The following KRT16 variants were observed in gnomAD, a reference collection of about 807,000 sequenced individuals.
KRT16 encodes keratin 16, also known as keratin, type I cytoskeletal 16.
A neutral mutation model predicts 44.8 loss-of-function variants in KRT16; 42 were observed. The observed-to-expected ratio is 0.94, with a 90% CI of 0.73 to 1.21. The LOEUF (loss-of-function observed/expected upper bound fraction) is 1.21. Ranked by LOEUF, KRT16 falls within the 50% of genes most tolerant of loss-of-function variation. The probability of loss-of-function intolerance (pLI) is 0.00; values close to 1 mark genes in which losing one functional copy is unlikely to be tolerated. For missense variants in KRT16, 561 were observed against 626.9 expected, an observed-to-expected ratio of 0.89 and a Z score of 1.12; for synonymous variants, 226 against 260.4, an observed-to-expected ratio of 0.87 and a Z score of 1.27.
rs1241317983 is a variant in KRT16 at position 41,611,730 on chromosome 17, G to A, written c.532-9C>T. On this transcript the variant is annotated splice_polypyrimidine_tract_variant and intron_variant, in intron 1 of 7. Transcript: ENST00000301653. The stretch of plus-strand genomic sequence containing the variant: ...ATGGTGGCCGCAATGATCTGGAGTG[G>A]GGATGGAGGACAGGAGCCCTGGTCA... 12 of 1,607,902 alleles carry A rather than the reference G, an allele frequency of 7.5e-6. No individual in the cohort carries two copies. The highest frequency in any genetic ancestry group is 1.0e-5 in the Non-Finnish European group (12 of 1,177,760).
chr17:41,609,899 TG>T lies in KRT16; in HGVS notation c.*35del. On this transcript the variant is annotated 3_prime_UTR_variant, in exon 8 of 8. Coordinates refer to ENST00000301653, the MANE Select transcript of KRT16 (RefSeq NM_005557.4). ...CGGGCCTTCAGGAGGTGAGGCCAGC[TG>T]GTGGGCAGGAGGCTGTGGTAGAGGC... 6.3e-7 allele frequency: 1 copy of T among 1,595,332 alleles called. No individual in the cohort carries two copies.
In KRT16 at chr17:41,612,289, T is replaced by C. The variant is rs1908228005; in HGVS notation, c.400A>G (p.Lys134Glu). The C allele has an allele frequency of 6.2e-7, 1 of 1,614,046 alleles. No individual in the cohort carries two copies. Among genetic ancestry groups the C allele is most frequent in the East Asian group, 2.2e-5 (1 of 44,876 alleles). The stretch of plus-strand genomic sequence containing the variant: ...TTGGCCTCCTCCAGAGCACGCACCT[T>C]GTCCAGGTAGGAGGCCAGGCGGTCA... ...LNDRLASYLDKVRALEEANAD... is the reference protein window; with the variant it reads ...LNDRLASYLDEVRALEEANAD... The change falls in exon 1 of 8, where the codon AAG becomes GAG. Residue 134 changes from lysine (K) to glutamate (E), a missense_variant. Transcript: ENST00000301653.
intron 5 of KRT16, 31 bp downstream of exon 5, chr17:41,610,822 TG>T (rs1567744639): frequency 6.2e-7 from 1 of 1,613,014 alleles, no homozygotes; most frequent in South Asian, 1.1e-5. Context: ...ACTGGTGACT[TG>T]GGGGCTGCTG....
In KRT16 at chr17:41,611,444, G is replaced by T. The variant is rs1435277262; in HGVS notation, c.672C>A (p.Arg224=). The T allele has an allele frequency of 3.1e-6, 5 of 1,614,070 alleles. No homozygotes were observed. ...CCAGGGTCAGCTCATCCAACACCCG[G>T]CGCAGGCCATTGACGTCGGCCTCCA... ...QTVEADVNGL[R]RVLDELTLAR... is the part of the protein sequence containing the mutation. The change falls in exon 3 of 8, where the codon CGC becomes CGA. Residue 224 remains arginine, a synonymous_variant. Coordinates refer to ENST00000301653, the MANE Select transcript of KRT16 (RefSeq NM_005557.4).
Position 41,611,508 on chromosome 17 carries a change from G to A in KRT16, c.615-7C>T. The A allele has an allele frequency of 6.2e-7, 1 of 1,613,338 alleles. No homozygotes were observed. Among genetic ancestry groups the A allele is most frequent in the East Asian group, 2.2e-5 (1 of 44,858 alleles). ...GGCCAGTTCATGCTCATACCTGGCA[G>A]GACAGAGGTCAGGTCCTCAGGCTGC... is the stretch of plus-strand genomic sequence containing the variant. On this transcript the variant is annotated splice_polypyrimidine_tract_variant and splice_region_variant and intron_variant, in intron 2 of 7. Transcript: ENST00000301653.
rs762772172 is a variant in KRT16 at position 41,612,517 on chromosome 17, A to C, written c.172T>G (p.Ser58Ala). 1.2e-6 allele frequency: 2 copies of C among 1,601,334 alleles called. No homozygotes were observed. Among genetic ancestry groups the C allele is most frequent in the Admixed American group, 3.5e-5 (2 of 57,530 alleles). Residue 58 changes from serine to alanine, a missense_variant, in exon 1 of 8, where the codon TCT becomes GCT. Transcript: ENST00000301653. ...CCCCCCAGCCCGCAGGCTCCCCCAGAGGAGAAGCGAGAGGAGACAGACAGG... is the reference window on the plus strand; with the variant it reads ...CCCCCCAGCCCGCAGGCTCCCCCAGCGGAGAAGCGAGAGGAGACAGACAGG... ...GGLSVSSRFS[S>A]GGACGLGGGY...
At position 41,610,509 on chromosome 17, in the gene KRT16, A is replaced by C. The variant is rs1908152406; in HGVS notation, c.1102T>G (p.Tyr368Asp). The C allele has an allele frequency of 6.2e-7, 1 of 1,611,990 alleles. No individual in the cohort carries two copies. The highest frequency in any genetic ancestry group is 1.7e-5 in the Admixed American group (1 of 60,006). The change falls in exon 6 of 8, where the codon TAC becomes GAC. Residue 368 changes from tyrosine to aspartate, a missense_variant. Coordinates refer to ENST00000301653, the MANE Select transcript of KRT16 (RefSeq NM_005557.4). Reference protein sequence around the residue: ...ENSLEETKGRYCMQLSQIQGL... With the variant: ...ENSLEETKGRDCMQLSQIQGL... The stretch of plus-strand genomic sequence containing the variant: ...TGGATCTGGGACAGCTGCATGCAGT[A>C]GCGGCCTTTGGTCTCCTCCAGGCTG...
chr17:41,611,513 G>A lies in KRT16; in HGVS notation c.615-12C>T. 7 of 1,613,266 alleles carry A rather than the reference G, an allele frequency of 4.3e-6. No homozygotes were observed. Among genetic ancestry groups the A allele is most frequent in the Non-Finnish European group, 5.9e-6 (7 of 1,179,954 alleles). On this transcript the variant is annotated splice_polypyrimidine_tract_variant and intron_variant, in intron 2 of 7. Transcript: ENST00000301653. ...GTTCATGCTCATACCTGGCAGGACAGAGGTCAGGTCCTCAGGCTGCAGCCC... is the reference window on the plus strand; with the variant it reads ...GTTCATGCTCATACCTGGCAGGACAAAGGTCAGGTCCTCAGGCTGCAGCCC...
Position 41,610,421 on chromosome 17 carries a change from C to T in KRT16, c.1190G>A (p.Ser397Asn). ...AQLRCEMEQQ[S>N]QEYQILLDVK... ...ATCCAGCAAGATCTGGTACTCCTGGCTCTGCTGCTCCATCTCACAGCGTAG... is the reference window on the plus strand; with the variant it reads ...ATCCAGCAAGATCTGGTACTCCTGGTTCTGCTGCTCCATCTCACAGCGTAG... Residue 397 changes from serine (S) to asparagine (N), a missense_variant, in exon 6 of 8, where the codon AGC (serine) becomes AAC (asparagine). Coordinates refer to ENST00000301653, the MANE Select transcript of KRT16 (RefSeq NM_005557.4). 1 of 1,612,300 alleles carries T rather than the reference C, an allele frequency of 6.2e-7. No individual in the cohort carries two copies. The highest frequency in any genetic ancestry group is 8.5e-7 in the Non-Finnish European group (1 of 1,179,876).
intron 1 of KRT16, 193 bp downstream of exon 1, chr17:41,611,965 A>G: frequency 1.2e-6 from 1 of 826,540 alleles, no homozygotes; most frequent in South Asian, 1.5e-5. Flanking sequence ...TAAGAGATTT[A>G]GGGTAACAGC....
In KRT16 at chr17:41,609,918, G is replaced by T. The variant is rs1908125499; in HGVS notation, c.*17C>A. On this transcript the variant is annotated 3_prime_UTR_variant, in exon 8 of 8. Coordinates refer to ENST00000301653, the MANE Select transcript of KRT16 (RefSeq NM_005557.4). Reference sequence around the variant, plus strand: ...GCCAGCTGGTGGGCAGGAGGCTGTGGTAGAGGCAGCTCAGTTCTAGGAGCT... The same window carrying T: ...GCCAGCTGGTGGGCAGGAGGCTGTGTTAGAGGCAGCTCAGTTCTAGGAGCT... 2.5e-6 allele frequency: 4 copies of T among 1,609,676 alleles called. No individual in the cohort carries two copies. Among genetic ancestry groups the T allele is most frequent in the South Asian group, 1.1e-5 (1 of 90,730 alleles).
rs756227425 is a variant in KRT16, at chr17:41,610,859, T to A, written c.1054A>T (p.Ser352Cys). 3.1e-6 allele frequency: 5 copies of A among 1,614,010 alleles called. No individual in the cohort carries two copies. The highest frequency in any genetic ancestry group is 4.2e-6 in the Non-Finnish European group (5 of 1,180,044). Residue 352 changes from serine to cysteine, a missense_variant, in exon 5 of 8, where the codon AGC becomes TGC. Physicochemically the swap from Ser to Cys is moderately radical, Grantham distance 112. Transcript: ENST00000301653. ...GLEIELQSQLSMKASLENSLE... is the reference protein window; with the variant it reads ...GLEIELQSQLCMKASLENSLE... ...CTGTGCTGGGTCCTTCATACCATGC[T>A]GAGCTGGGACTGCAGCTCAATCTCC...
At chr17:41,610,269 T>A (rs1323166476) in intron 6 of KRT16, 33 bp from the exon 7 acceptor site, 4 of 1,613,644 alleles carry the variant, frequency 2.5e-6, no homozygotes, top group Non-Finnish European at 3.4e-6. Flanking sequence ...CAGTCAGTTG[T>A]GCTGAGAGCA....
Position 41,612,280 on chromosome 17 carries a change from C to A in KRT16, c.409G>T (p.Ala137Ser), listed in dbSNP as rs1456131254. Residue 137 changes from alanine to serine, a missense_variant, in exon 1 of 8, where the codon GCT becomes TCT. Physicochemically the swap from Ala to Ser is moderately conservative, Grantham distance 99. Transcript: ENST00000301653. ...AGGTCGGCGTTGGCCTCCTCCAGAG[C>A]ACGCACCTTGTCCAGGTAGGAGGCC... ...RLASYLDKVR[A>S]LEEANADLEV... is the part of the protein sequence containing the mutation. 6.2e-7 allele frequency: 1 copy of A among 1,614,092 alleles called. No individual in the cohort carries two copies.
rs755038313 is a variant in KRT16, at chr17:41,612,544, C to T, written c.145G>A (p.Gly49Ser). ...SCRAPSTYGGGLSVSSRFSSG... is the reference protein window; with the variant it reads ...SCRAPSTYGGSLSVSSRFSSG... ...GAGAAGCGAGAGGAGACAGACAGGC[C>T]GCCCCCGTAGGTGCTGGGGGCACGG... The change falls in exon 1 of 8, where the codon GGC (glycine) becomes AGC (serine). Residue 49 changes from glycine (G) to serine (S), a missense_variant. Transcript: ENST00000301653. The T allele has an allele frequency of 2.4e-5, 38 of 1,594,772 alleles. No homozygotes were observed. The highest frequency in any genetic ancestry group is 2.2e-4 in the Middle Eastern group (1 of 4,620).
chr17:41,611,152 G>C lies in KRT16; in HGVS notation c.850C>G (p.Arg284Gly). 6.2e-7 allele frequency: 1 copy of C among 1,613,970 alleles called. No individual in the cohort carries two copies. The highest frequency in any genetic ancestry group is 8.5e-7 in the Non-Finnish European group (1 of 1,179,868). Residue 284 changes from arginine to glycine, a missense_variant, in exon 4 of 8, where the codon CGC becomes GGC. Transcript: ENST00000301653. ...MDAAPGVDLSRILNEMRDQYE... is the reference protein window; with the variant it reads ...MDAAPGVDLSGILNEMRDQYE... ...TGGTCACGCATCTCATTCAGGATGC[G>C]GCTCAGGTCCACGCCAGGTGCAGCA...
rs267604878 is a variant in KRT16 at position 41,612,438 on chromosome 17, C to T, written c.251G>A (p.Gly84Glu). The T allele has an allele frequency of 5.0e-6, 8 of 1,613,840 alleles. No individual in the cohort carries two copies. Among genetic ancestry groups the T allele is most frequent in the Non-Finnish European group, 6.8e-6 (8 of 1,179,886 alleles). Residue 84 changes from glycine (G) to glutamate (E), a missense_variant, in exon 1 of 8, where the codon GGA becomes GAA. Transcript: ENST00000301653. ...AGCACCAAGGCCACCACCATATCCT[C>T]CCCCGAAGCCACTACCAAAGCTGCT... is the stretch of plus-strand genomic sequence containing the variant. ...SSSSFGSGFG[G>E]GYGGGLGAGF... is the part of the protein sequence containing the mutation.
In KRT16 at chr17:41,611,419, C is replaced by A. The variant is rs758429689; in HGVS notation, c.697G>T (p.Ala233Ser). The A allele has an allele frequency of 5.0e-6, 8 of 1,614,234 alleles. No homozygotes were observed. The highest frequency in any genetic ancestry group is 6.8e-6 in the Non-Finnish European group (8 of 1,180,032). ...ATCTGCATCTCCAGGTCAGTCCTGG[C>A]CAGGGTCAGCTCATCCAACACCCGG... ...LRRVLDELTL[A>S]RTDLEMQIEG... The change falls in exon 3 of 8, where the codon GCC (alanine) becomes TCC (serine). Residue 233 changes from alanine (A) to serine (S), a missense_variant. Ala to Ser is a moderately conservative substitution (Grantham distance 99). Transcript: ENST00000301653.
At position 41,612,610 on chromosome 17, in the gene KRT16, C is replaced by G. The variant is rs1285438277; in HGVS notation, c.79G>C (p.Gly27Arg). The change falls in exon 1 of 8, where the codon GGC (glycine) becomes CGC (arginine). Residue 27 changes from glycine to arginine, a missense_variant. Transcript: ENST00000301653. ...AGGACGGAGGAGATGCGGCTGGAGC[C>G]GCCCCCGATGCCGCCTCCGATGCCG... ...SCGIGGGIGG[G>R]SSRISSVLAG... 1.3e-6 allele frequency: 2 copies of G among 1,595,180 alleles called. No individual in the cohort carries two copies. The highest frequency in any genetic ancestry group is 1.7e-6 in the Non-Finnish European group (2 of 1,171,966).
Sources: allele counts gnomAD v4.1 joint callset, GRCh38; gene constraint gnomAD v4.1.1; transcripts MANE v1.5; gene names NCBI Gene and HGNC (gene_info 2026-07-23, HGNC 2026-07-21).